MUC22: variants seen among roughly 807,000 people sequenced by gnomAD.
MUC22 encodes mucin 22, also known as mucin-22.
MUC22 carries 24 observed loss-of-function variants against 40.3 expected under a neutral mutation model. The observed-to-expected ratio is 0.60, with a 90% CI of 0.43 to 0.84. The LOEUF (loss-of-function observed/expected upper bound fraction) is 0.84, where lower values mean the gene tolerates loss of function less well. Ranked by LOEUF, MUC22 falls within the 40% of genes least tolerant of loss-of-function variation. MUC22 has a pLI of 0.00. For synonymous variants in MUC22, 765 were observed against 844.5 expected, an observed-to-expected ratio of 0.91 and a Z score of 1.63; for missense variants, 1,926 against 2,130.7, an observed-to-expected ratio of 0.90 and a Z score of 1.89.
exon 2 of MUC22, chr6:31,025,569 G>GACCACCATGGCC: frequency 6.6e-7 from 1 of 1,526,142 alleles, no homozygotes; most frequent in Non-Finnish European, 8.8e-7. Flanking sequence ...CAGGCTCTGA[G>GACCACCATGGCC]ACCACCATGG....
rs73727169 is a variant in MUC22 at position 31,028,922 on chromosome 6, A to C, written c.3491A>C (p.Glu1164Ala). 2.6e-3 allele frequency: 3,914 copies of C among 1,519,954 alleles called. 124 individuals are homozygous for C. The African/African-American group carries it at 0.041, about 16-fold the overall frequency. 94.2% of individuals were successfully genotyped at this position (1,519,954 alleles called of 1,614,324 possible). ...ACCACAGCCTCTACTGAAGGCTCTG[A>C]GATCACTACAGTTTCTACCACAGGC... Residue 1164 changes from glutamate (E) to alanine (A), a missense_variant, in exon 2 of 4, where the codon GAG becomes GCG. This residue lies in a region of MUC22 where 35 missense variants were observed against 78.3 expected (regional missense o/e 0.45). Transcript: ENST00000561890.
At chr6:31,026,016 C>A (rs1765271360) in exon 2 of MUC22, 1 of 1,529,920 alleles carries the variant, frequency 6.5e-7, no homozygotes. Context: ...GCTCTGAGAC[C>A]ACCACCACCT....
At chr6:31,031,957 C>T (rs1456586019) in intron 2 of MUC22, among the ~76,000 whole-genome samples, 3 of 152,206 alleles carry the variant, frequency 2.0e-5, no homozygotes, top group Admixed American at 2.0e-4. Context: ...TCTGCCTCCT[C>T]CATCACCAAC....
chr6:31,026,347 C>A, exon 2 of MUC22: 1 of 1,503,168 alleles, frequency 6.7e-7, no homozygotes, highest in Non-Finnish European at 8.9e-7. Context: ...CACAGGCTCT[C>A]AGACCACCAT....
exon 2 of MUC22, chr6:31,027,581 C>T: frequency 6.5e-7 from 1 of 1,527,466 alleles, no homozygotes. Flanking sequence ...GAGACCACTA[C>T]AGTCACTACC....
intron 1 of MUC22, among the ~76,000 whole-genome samples, chr6:31,024,273 T>C (rs1054768521): frequency 6.6e-6 from 1 of 152,174 alleles, no homozygotes; most frequent in African/African-American, 2.4e-5. Context: ...TTAGAACAAC[T>C]AACAAAACTT....
exon 2 of MUC22, chr6:31,029,467 A>G: frequency 6.5e-7 from 1 of 1,534,614 alleles, no homozygotes; most frequent in Non-Finnish European, 8.7e-7. Context: ...CTCTGGGACC[A>G]CCACAGCCTC....
intron 2 of MUC22, 130 bp downstream of exon 2, chr6:31,030,230 C>T: frequency 8.7e-7 from 1 of 1,155,060 alleles, no homozygotes; most frequent in Non-Finnish European, 1.2e-6. Context: ...ATAATTTCCT[C>T]TTCTAGGCTG....
At chr6:31,006,672 T>C (rs1006770248), upstream of MUC22, among the ~76,000 whole-genome samples, 8 of 149,514 alleles carry the variant, frequency 5.4e-5, no homozygotes, top group African/African-American at 2.0e-4. Context: ...GTTTATTAAT[T>C]AGACATACTG....
At chr6:31,021,959 T>C (rs2150769221) in intron 1 of MUC22, among the ~76,000 whole-genome samples, 1 of 152,104 alleles carries the variant, frequency 6.6e-6, no homozygotes, top group Non-Finnish European at 1.5e-5. Context: ...ACCGTAAAGG[T>C]CTGCAGCTTC....
At chr6:31,012,724 G>GT (rs1248140732) in intron 1 of MUC22, among the ~76,000 whole-genome samples, 1 of 152,166 alleles carries the variant, frequency 6.6e-6, no homozygotes, top group Non-Finnish European at 1.5e-5. Flanking sequence ...AACCAACAGT[G>GT]TCTCCTGTAG....
intron 1 of MUC22, among the ~76,000 whole-genome samples, chr6:31,017,775 C>G (rs114859580): frequency 0.022 from 3,365 of 152,302 alleles, 139 homozygotes; most frequent in Non-Finnish European, 0.022. Context: ...ATGGACCAAT[C>G]AGTAGGATGT....
At chr6:31,023,130 A>C (rs1459142670) in intron 1 of MUC22, among the ~76,000 whole-genome samples, 1 of 150,516 alleles carries the variant, frequency 6.6e-6, no homozygotes, top group Non-Finnish European at 1.5e-5. Flanking sequence ...ACGCTCAAAA[A>C]ACAAAACAAA....
At chr6:31,010,809 G>A (rs748469431) in intron 1 of MUC22, 33 bp downstream of exon 1, 4 of 702,266 alleles carry the variant, frequency 5.7e-6, no homozygotes, top group South Asian at 1.5e-5. Flanking sequence ...AGGGAGAGGG[G>A]CATGGAGGCC....
intron 2 of MUC22, among the ~76,000 whole-genome samples, chr6:31,031,349 C>T (rs1250348405): frequency 6.6e-6 from 1 of 152,162 alleles, no homozygotes; most frequent in Non-Finnish European, 1.5e-5. Flanking sequence ...TAGATGATGT[C>T]ACCTCTGTCC....
In MUC22 at chr6:31,023,121, C is replaced by A. The variant is rs116027102; in HGVS notation, c.71-2381C>A. Among the ~76,000 whole-genome samples the A allele has an allele frequency of 7.8e-3, 1,147 of 147,882 alleles. 11 individuals carry two copies. The highest frequency in any genetic ancestry group is 0.027 in the African/African-American group (1,066 of 39,866). Reference sequence around the variant, plus strand: ...CTCCAGCCTGAGTGACAGATCAAGACGCTCAAAAAACAAAACAAAACAAAA... The same window carrying A: ...CTCCAGCCTGAGTGACAGATCAAGAAGCTCAAAAAACAAAACAAAACAAAA... On this transcript the variant is annotated intron_variant, in intron 1 of 3. Coordinates refer to ENST00000561890, the Ensembl canonical transcript of MUC22.
chr6:31,034,624 G>A, intron 3 of MUC22, 48 bp from the exon 4 acceptor site: 1 of 1,460,750 alleles, frequency 6.8e-7, no homozygotes, highest in Non-Finnish European at 9.1e-7. Context: ...TGATTAGGGA[G>A]AGGAGACTTA....
chr6:31,013,492 G>GTTTAT (rs925266350), intron 1 of MUC22, among the ~76,000 whole-genome samples: 2 of 152,032 alleles, frequency 1.3e-5, no homozygotes, highest in Admixed American at 6.5e-5. Context: ...CCACTCACTT[G>GTTTAT]TTTATTTTAT....
rs191359240 is a variant in MUC22 at position 31,032,366 on chromosome 6, G to A, written c.4840G>A (p.Val1614Ile). The change falls in exon 3 of 4, where the codon GTC becomes ATC. Residue 1614 changes from valine (V) to isoleucine (I), a missense_variant. Transcript: ENST00000561890. This position sits in a 1 kb window ranked among gnomAD's most constrained non-coding sequence, Gnocchi z 4.1. ...ATCATCTACCACCTCAGCCCACGGC[G>A]TCAGGACCACCACAGGATCCACCCG... 7.4e-5 allele frequency: 113 copies of A among 1,535,630 alleles called. No individual in the cohort carries two copies. The East Asian group carries it at 1.4e-3, about 19-fold the overall frequency.
Sources: gnomAD v4.1 joint callset for allele counts (sites outside exome capture counted in the v4.1 genomes callset) on GRCh38, gnomAD v4.1.1 for gene constraint, gnomAD v4.1.1 regional missense constraint, Gnocchi (gnomAD v3.1) non-coding constraint, MANE v1.5 for transcripts, NCBI Gene and HGNC (gene_info 2026-07-23, HGNC 2026-07-21) for gene names.